SLC2A8: variants seen among roughly 807,000 people sequenced by gnomAD.
SLC2A8 encodes solute carrier family 2, facilitated glucose transporter member 8.
Under a neutral mutation model 49.2 loss-of-function variants are expected in SLC2A8, and 53 were observed. The observed-to-expected ratio is 1.08, with a 90% confidence interval of 0.86 to 1.35. The LOEUF (loss-of-function observed/expected upper bound fraction) is 1.35, where lower values mean the gene tolerates loss of function less well. SLC2A8 is among the 40% of genes most tolerant of loss of function. The pLI, the probability that SLC2A8 is intolerant of heterozygous loss-of-function variation, is 0.00. For synonymous variants in SLC2A8, 299 were observed against 297.0 expected (o/e 1.01, Z -0.07); for missense variants, 688 against 671.7 (o/e 1.02, Z -0.27).
At chr9:127,402,065 G>C (rs942392985) in intron 4 of SLC2A8, among the ~76,000 whole-genome samples, 1 of 152,232 alleles carries the variant, frequency 6.6e-6, no homozygotes, top group Non-Finnish European at 1.5e-5. Flanking sequence ...GCATTCAAAT[G>C]ACTCAACACT....
intron 4 of SLC2A8, among the ~76,000 whole-genome samples, chr9:127,401,625 C>T (rs1833296443): frequency 6.6e-6 from 1 of 152,234 alleles, no homozygotes; most frequent in Non-Finnish European, 1.5e-5. Context: ...TTAATATGTG[C>T]TTGTTGCTTC....
In SLC2A8 at chr9:127,402,752, A is replaced by C; in HGVS notation, c.722A>C (p.Gln241Pro). 1 of 1,537,966 alleles carries C rather than the reference A, an allele frequency of 6.5e-7. No individual in the cohort carries two copies. The highest frequency in any genetic ancestry group is 8.8e-7 in the Non-Finnish European group (1 of 1,141,666). ...GAAGACCCCCCCATCGGGGCTGAGC[A>C]GGTGAGAGGCTGGAAGGCAGAGCTG... is the stretch of plus-strand genomic sequence containing the variant. Reference protein sequence around the residue: ...GWEDPPIGAEQSFHLALLRQP... With the variant: ...GWEDPPIGAEPSFHLALLRQP... Residue 241 changes from glutamine (Q) to proline (P), a missense_variant and splice_region_variant, in exon 5 of 10, where the codon CAG becomes CCG. Gln to Pro is a moderately conservative substitution (Grantham distance 76). Coordinates refer to ENST00000373371, the MANE Select transcript of SLC2A8 (RefSeq NM_014580.5).
rs193246229 is a variant in SLC2A8, at chr9:127,404,501, G to A, written c.977-317G>A. On this transcript the variant is annotated intron_variant, in intron 7 of 9. Transcript: ENST00000373371. ...ACGTGAGGCCTTCAGCAAGAGCTGC[G>A]GCCCACGGACATTTGGTACCCAGCA... 707 of 377,302 alleles carry A rather than the reference G, an allele frequency of 1.9e-3. 5 individuals are homozygous for A. Among genetic ancestry groups the A allele is most frequent in the Non-Finnish European group, 5.0e-4 (104 of 207,346 alleles). 23.4% of individuals were successfully genotyped at this position (377,302 alleles called of 1,614,324 possible).
chr9:127,397,438 T>C lies in SLC2A8; in HGVS notation c.119T>C (p.Phe40Ser), dbSNP rs752834555. 8 of 1,487,098 alleles carry C rather than the reference T, an allele frequency of 5.4e-6. No individual in the cohort carries two copies. In the South Asian group the frequency reaches 1.0e-4, roughly 19 times the overall value. The allele number at this position is 1,487,098 out of a possible 1,614,324, so 92.1% of individuals were successfully genotyped here. A position where few individuals can be genotyped will look rare whatever the true frequency, so the allele number is the denominator to read the frequency against. Residue 40 changes from phenylalanine to serine, a missense_variant, in exon 2 of 10, where the codon TTC becomes TCC. Phe to Ser is a radical substitution (Grantham distance 155, BLOSUM62 -2). Coordinates refer to ENST00000373371, the MANE Select transcript of SLC2A8 (RefSeq NM_014580.5). Reference protein sequence around the residue: ...AFAAALGPLSFGFALGYSSPA... With the variant: ...AFAAALGPLSSGFALGYSSPA... Reference sequence around the variant, plus strand: ...GCCGCTGCCCTGGGCCCACTCAGCTTCGGCTTCGCGCTCGGCTACAGCTCC... The same window carrying C: ...GCCGCTGCCCTGGGCCCACTCAGCTCCGGCTTCGCGCTCGGCTACAGCTCC...
chr9:127,407,088 C>G (rs752835879), intron 9 of SLC2A8, 24 bp from the exon 10 acceptor site: 12 of 1,611,830 alleles, frequency 7.4e-6, no homozygotes, highest in Middle Eastern at 1.9e-4. Flanking sequence ...CCGCGTCCAC[C>G]CATGGCCTTT....
In SLC2A8 at chr9:127,404,082, C is replaced by T. The variant is rs1833399753; in HGVS notation, c.976+15C>T. 1.3e-6 allele frequency: 2 copies of T among 1,539,778 alleles called. No individual in the cohort carries two copies. The highest frequency in any genetic ancestry group is 1.2e-5 in the South Asian group (1 of 85,660). ...GGTCTTGTCAGGTGAGGGTTCACCC[C>T]TGTGCAGCCTCCCCGCCATGCGGGG... On this transcript the variant is annotated intron_variant, in intron 7 of 9. Coordinates refer to ENST00000373371, the MANE Select transcript of SLC2A8 (RefSeq NM_014580.5).
intron 9 of SLC2A8, among the ~76,000 whole-genome samples, chr9:127,406,661 G>GGGACGGCT (rs376176893): frequency 6.6e-6 from 1 of 151,602 alleles, no homozygotes; most frequent in Non-Finnish European, 1.5e-5. Context: ...CTGACTGAAG[G>GGGACGGCT]CCCCATGTGC....
chr9:127,398,416 G>A (rs1405757750), intron 3 of SLC2A8: 3 of 718,350 alleles, frequency 4.2e-6, no homozygotes, highest in African/African-American at 3.5e-5. Context: ...CCACTTAGCC[G>A]TGCCCCTCTT....
At chr9:127,398,230 G>A (rs1402649169) in intron 3 of SLC2A8, 119 bp downstream of exon 3, 3 of 1,051,190 alleles carry the variant, frequency 2.9e-6, no homozygotes, top group Non-Finnish European at 3.0e-6. Flanking sequence ...TGGGTGCCAG[G>A]CTTGAAGTCC....
At chr9:127,404,094 C>T (rs772857439) in intron 7 of SLC2A8, 27 bp downstream of exon 7, 2 of 1,528,316 alleles carry the variant, frequency 1.3e-6, no homozygotes, top group South Asian at 1.2e-5. Context: ...GTGCAGCCTC[C>T]CCGCCATGCG....
At position 127,400,023 on chromosome 9, in the gene SLC2A8, C is replaced by T. The variant is rs2131883694; in HGVS notation, c.526+17C>T. ...ACCTGGCAGGTATAGTTGTCATTAT[C>T]TCTTGCTTCCTGTTTGTGGTCATGT... On this transcript the variant is annotated intron_variant, in intron 4 of 9. Transcript: ENST00000373371. The T allele has an allele frequency of 1.2e-6, 2 of 1,605,784 alleles. No individual in the cohort carries two copies. The highest frequency in any genetic ancestry group is 1.7e-6 in the Non-Finnish European group (2 of 1,172,668).
At position 127,407,874 on chromosome 9, in the gene SLC2A8, A is replaced by AC. The variant is rs1833543110; in HGVS notation, c.*625_*626insC. On this transcript the variant is annotated 3_prime_UTR_variant, in exon 10 of 10. Coordinates refer to ENST00000373371, the MANE Select transcript of SLC2A8 (RefSeq NM_014580.5). The stretch of plus-strand genomic sequence containing the variant: ...TGAGTTTAAAAAATAAACAGCAAAA[A>AC]AAAACAAAACAAAACAAAAAAAAAC... 7.7e-6 allele frequency: 1 copy of AC among 130,406 alleles called. No individual in the cohort carries two copies. The highest frequency in any genetic ancestry group is 2.9e-5 in the African/African-American group (1 of 34,470). The allele number at this position is 130,406 out of a possible 1,614,324, so 8.1% of individuals were successfully genotyped here. A position where few individuals can be genotyped will look rare whatever the true frequency, so the allele number is the denominator to read the frequency against.
chr9:127,397,910 C>A lies in SLC2A8; in HGVS notation c.225C>A (p.Val75=). ...DDAAASWFGA[V]VTLGAAAGGV... is the part of the protein sequence containing the mutation. ...CAGCAGCCGCCCGCCTCCAGGCTGT[C>A]GTGACCCTGGGTGCCGCGGCGGGGG... Residue 75 remains valine, a synonymous_variant, in exon 3 of 10, where the codon GTC becomes GTA. Transcript: ENST00000373371. 6.6e-7 allele frequency: 1 copy of A among 1,524,516 alleles called. No homozygotes were observed. The highest frequency in any genetic ancestry group is 8.8e-7 in the Non-Finnish European group (1 of 1,142,324). 94.4% of individuals were successfully genotyped at this position (1,524,516 alleles called of 1,614,324 possible). A position where few individuals can be genotyped will look rare whatever the true frequency, so the allele number is the denominator to read the frequency against.
chr9:127,398,283 C>T, intron 3 of SLC2A8, 172 bp downstream of exon 3: 1 of 799,936 alleles, frequency 1.3e-6, no homozygotes, highest in Non-Finnish European at 2.3e-6. Flanking sequence ...TGGGAAGGAT[C>T]CTACTGTTCT....
At position 127,400,022 on chromosome 9, in the gene SLC2A8, T is replaced by TGG. The variant is rs1833215625; in HGVS notation, c.526+16_526+17insGG. On this transcript the variant is annotated intron_variant, in intron 4 of 9. Transcript: ENST00000373371. Reference sequence around the variant, plus strand: ...TACCTGGCAGGTATAGTTGTCATTATCTCTTGCTTCCTGTTTGTGGTCATG... The same window carrying TGG: ...TACCTGGCAGGTATAGTTGTCATTATGGCTCTTGCTTCCTGTTTGTGGTCATG... 6.2e-7 allele frequency: 1 copy of TGG among 1,607,688 alleles called. No homozygotes were observed. The highest frequency in any genetic ancestry group is 8.5e-7 in the Non-Finnish European group (1 of 1,174,538).
chr9:127,398,383 A>C (rs772151417), intron 3 of SLC2A8: 1 of 757,620 alleles, frequency 1.3e-6, no homozygotes, highest in South Asian at 1.4e-5. Flanking sequence ...GAGGGGAAGC[A>C]GTTGCAGGAA....
chr9:127,405,508 C>T lies in SLC2A8; in HGVS notation c.1239C>T (p.Cys413=), dbSNP rs115668237. Residue 413 remains cysteine, a synonymous_variant, in exon 9 of 10, where the codon TGC becomes TGT. Coordinates refer to ENST00000373371, the MANE Select transcript of SLC2A8 (RefSeq NM_014580.5). ...LHVKGVATGI[C]VLTNWLMAFL... is the part of the protein sequence containing the mutation. ...TCAAGGGCGTGGCGACAGGCATCTG[C>T]GTCCTCACCAACTGGCTCATGGCCT... 2.0e-5 allele frequency: 32 copies of T among 1,613,092 alleles called. No individual in the cohort carries two copies. Among genetic ancestry groups the T allele is most frequent in the Admixed American group, 1.0e-4 (6 of 60,002 alleles).
Position 127,397,202 on chromosome 9 carries a change from G to A in SLC2A8, c.-29G>A, listed in dbSNP as rs1833050853. The A allele has an allele frequency of 2.1e-6, 3 of 1,454,222 alleles. No homozygotes were observed. Among genetic ancestry groups the A allele is most frequent in the Non-Finnish European group, 2.7e-6 (3 of 1,111,682 alleles). The allele number at this position is 1,454,222 out of a possible 1,614,324, so 90.1% of individuals were successfully genotyped here. ...AGGGCCCGTGGCGGTTCAGGCGCCAGAGCTGGCCGATCGGCGTTGGCCGCC... is the reference window on the plus strand; with the variant it reads ...AGGGCCCGTGGCGGTTCAGGCGCCAAAGCTGGCCGATCGGCGTTGGCCGCC... On this transcript the variant is annotated 5_prime_UTR_variant, in exon 1 of 10. Coordinates refer to ENST00000373371, the MANE Select transcript of SLC2A8 (RefSeq NM_014580.5).
chr9:127,407,369 C>T lies in SLC2A8; in HGVS notation c.*120C>T, dbSNP rs1209888470. On this transcript the variant is annotated 3_prime_UTR_variant, in exon 10 of 10. Transcript: ENST00000373371. ...CTTGGAGCCTTGGTCTGCAGGGTCC[C>T]TCCTTCCTGTCATGCTCCCTCCAGC... is the stretch of plus-strand genomic sequence containing the variant. The T allele has an allele frequency of 3.9e-6, 5 of 1,283,868 alleles. No homozygotes were observed. In the Admixed American group the frequency reaches 8.7e-5, roughly 22 times the overall value. The allele number at this position is 1,283,868 out of a possible 1,614,324, so 79.5% of individuals were successfully genotyped here. A position where few individuals can be genotyped will look rare whatever the true frequency, so the allele number is the denominator to read the frequency against.
Sources: allele counts gnomAD v4.1 joint callset (sites outside exome capture counted in the v4.1 genomes callset), GRCh38; gene constraint gnomAD v4.1.1; transcripts MANE v1.5; gene names NCBI Gene and HGNC (gene_info 2026-07-23, HGNC 2026-07-21).